Variants in TYR observed in about 807,000 individuals in gnomAD.
The protein encoded by TYR is LB24-AB.
In TYR, 58 loss-of-function variants were observed where a neutral mutation model predicts 51.5. The ratio of observed to expected loss-of-function variants is 1.13; its 90% CI spans 0.91 to 1.40. TYR has a LOEUF of 1.40. TYR is among the 40% of genes most tolerant of loss of function. The pLI, the probability that TYR is intolerant of heterozygous loss-of-function variation, is 0.00. For missense variants in TYR, 732 were observed against 647.4 expected (o/e 1.13, Z -1.42); for synonymous variants, 263 against 235.2 (o/e 1.12, Z -1.08).
chr11:89,213,483 A>G (rs1200722858), intron 2 of TYR, among the ~76,000 whole-genome samples: 2 of 152,216 alleles, frequency 1.3e-5, no homozygotes, highest in African/African-American at 4.8e-5. Context: ...GGATAGGAAG[A>G]ATCAATATTG....
At chr11:89,272,510 G>A (rs1255471038) in intron 3 of TYR, among the ~76,000 whole-genome samples, 3 of 151,768 alleles carry the variant, frequency 2.0e-5, no homozygotes, top group Non-Finnish European at 4.4e-5. Flanking sequence ...GCACAGGCAG[G>A]GTAGATTTAG....
At chr11:89,190,524 A>C (rs1943428825) in intron 1 of TYR, among the ~76,000 whole-genome samples, 1 of 152,200 alleles carries the variant, frequency 6.6e-6, no homozygotes, top group Non-Finnish European at 1.5e-5. Flanking sequence ...TTTTAAGCTA[A>C]GTGCTATTAT....
chr11:89,193,545 A>T (rs550327286), intron 2 of TYR, among the ~76,000 whole-genome samples: 1 of 152,174 alleles, frequency 6.6e-6, no homozygotes, highest in African/African-American at 2.4e-5. Context: ...GCAACATAGC[A>T]TATTGTCTGG....
chr11:89,288,445 A>G (rs932145634), intron 4 of TYR, among the ~76,000 whole-genome samples: 14 of 151,896 alleles, frequency 9.2e-5, no homozygotes, highest in Admixed American at 8.5e-4. Flanking sequence ...TAGTGTCCCA[A>G]TGGATACTTT....
intron 1 of TYR, among the ~76,000 whole-genome samples, chr11:89,188,848 G>A (rs1409079275): frequency 6.6e-6 from 1 of 151,912 alleles, no homozygotes; most frequent in Non-Finnish European, 1.5e-5. Context: ...AGGGCAAAGA[G>A]GCCAGTGAAG....
intron 2 of TYR, among the ~76,000 whole-genome samples, chr11:89,225,907 A>T (rs1279295096): frequency 6.6e-6 from 1 of 152,032 alleles, no homozygotes; most frequent in African/African-American, 2.4e-5. Flanking sequence ...TATTCCAATT[A>T]CTCTGATTTG....
chr11:89,263,691 C>T (rs1387415041), intron 3 of TYR, among the ~76,000 whole-genome samples: 4 of 151,892 alleles, frequency 2.6e-5, no homozygotes, highest in Admixed American at 1.3e-4. Context: ...TATTTCTAAA[C>T]ATTAGCAATA....
At chr11:89,290,796 A>G (rs1944845005) in intron 4 of TYR, among the ~76,000 whole-genome samples, 1 of 151,996 alleles carries the variant, frequency 6.6e-6, no homozygotes, top group African/African-American at 2.4e-5. Context: ...TAAGCCCAGG[A>G]TGCACTCTCT....
At position 89,295,257 on chromosome 11, in the gene TYR, G is replaced by C; in HGVS notation, c.1481G>C (p.Gly494Ala). 1.2e-6 allele frequency: 2 copies of C among 1,613,916 alleles called. No homozygotes were observed. The highest frequency in any genetic ancestry group is 1.7e-6 in the Non-Finnish European group (2 of 1,179,862). ...GCCGTCCTCACTGCCCTGCTGGCAG[G>C]GCTTGTGAGCTTGCTGTGTCGTCAC... ...VGAVLTALLA[G>A]LVSLLCRHKR... Residue 494 changes from glycine (G) to alanine (A), a missense_variant, in exon 5 of 5, where the codon GGG becomes GCG. Gly to Ala is a moderately conservative substitution (Grantham distance 60). Transcript: ENST00000263321.
chr11:89,213,036 A>T (rs1319149779), intron 2 of TYR, among the ~76,000 whole-genome samples: 2 of 152,204 alleles, frequency 1.3e-5, no homozygotes, highest in Non-Finnish European at 2.9e-5. Flanking sequence ...GCACAAGACA[A>T]GGATGCCCTC....
chr11:89,271,126 A>G (rs550455464), intron 3 of TYR, among the ~76,000 whole-genome samples: 17 of 152,010 alleles, frequency 1.1e-4, no homozygotes, highest in African/African-American at 3.6e-4. Context: ...AGTATTTATA[A>G]TTTTAATAAC....
rs1467050917 is a variant in TYR at position 89,178,333 on chromosome 11, G to A, written c.380G>A (p.Ser127Asn). Residue 127 changes from serine (S) to asparagine (N), a missense_variant, in exon 1 of 5, where the codon AGT becomes AAT. Ser to Asn is a conservative substitution (Grantham distance 46, BLOSUM62 1). Transcript: ENST00000263321. Reference sequence around the variant, plus strand: ...GTGAGAAGAAACATCTTCGATTTGAGTGCCCCAGAGAAGGACAAATTTTTT... The same window carrying A: ...GTGAGAAGAAACATCTTCGATTTGAATGCCCCAGAGAAGGACAAATTTTTT... ...LLVRRNIFDL[S>N]APEKDKFFAY... is the part of the protein sequence containing the mutation. The A allele has an allele frequency of 1.2e-6, 2 of 1,614,154 alleles. No homozygotes were observed. Among genetic ancestry groups the A allele is most frequent in the East Asian group, 2.2e-5 (1 of 44,864 alleles).
chr11:89,225,535 T>C (rs1226199585), intron 2 of TYR, among the ~76,000 whole-genome samples: 1 of 151,848 alleles, frequency 6.6e-6, no homozygotes, highest in Non-Finnish European at 1.5e-5. Context: ...CATTTAGATA[T>C]AATTGTGTAG....
chr11:89,283,993 C>T (rs1271132523), intron 3 of TYR: 2 of 151,756 alleles, frequency 1.3e-5, no homozygotes, highest in Non-Finnish European at 2.9e-5. Flanking sequence ...GCTGCCAAAA[C>T]CATGCTATAG....
intron 2 of TYR, among the ~76,000 whole-genome samples, chr11:89,220,796 A>C (rs1943901120): frequency 6.6e-6 from 1 of 152,036 alleles, no homozygotes; most frequent in African/African-American, 2.4e-5. Flanking sequence ...CAAAACAAAA[A>C]CAGAGTTGCT....
intron 3 of TYR, among the ~76,000 whole-genome samples, chr11:89,262,217 C>G (rs1020152568): frequency 2.0e-5 from 3 of 151,984 alleles, no homozygotes; most frequent in African/African-American, 7.2e-5. Context: ...TGCCACTAGG[C>G]CCAGCTAATT....
chr11:89,281,241 A>C (rs1409478877), intron 3 of TYR, among the ~76,000 whole-genome samples: 2 of 151,664 alleles, frequency 1.3e-5, no homozygotes. Flanking sequence ...AGACTGAAAG[A>C]GGCTGGACTG....
chr11:89,282,308 G>A (rs1218254854), intron 3 of TYR, among the ~76,000 whole-genome samples: 1 of 151,740 alleles, frequency 6.6e-6, no homozygotes, highest in Non-Finnish European at 1.5e-5. Context: ...TCCCAAATCA[G>A]TCAAAATTTG....
intron 2 of TYR, among the ~76,000 whole-genome samples, chr11:89,220,213 CTGGCT>C (rs1355693314): frequency 6.6e-6 from 1 of 152,130 alleles, no homozygotes; most frequent in African/African-American, 2.4e-5. Context: ...TGACATCTGC[CTGGCT>C]TCTGGGGAGG....
Sources: allele counts gnomAD v4.1 joint callset (sites outside exome capture counted in the v4.1 genomes callset), GRCh38; gene constraint gnomAD v4.1.1; transcripts MANE v1.5; gene names NCBI Gene and HGNC (gene_info 2026-07-23, HGNC 2026-07-21).